The following BTN3A2 variants were observed in gnomAD, a reference collection of about 807,000 sequenced individuals.
The protein encoded by BTN3A2 is butyrophilin protein.
Under a neutral mutation model 37.6 loss-of-function variants are expected in BTN3A2, and 25 were observed. The ratio of observed to expected loss-of-function variants is 0.66; its 90% confidence interval spans 0.48 to 0.93. The LOEUF (loss-of-function observed/expected upper bound fraction) is 0.93. Among genes scored for constraint, BTN3A2 ranks in the 40% least tolerant of loss-of-function variants. The probability of loss-of-function intolerance (pLI) is 0.00; values close to 1 mark genes in which losing one functional copy is unlikely to be tolerated. For missense variants in BTN3A2, 266 were observed against 410.9 expected (o/e 0.65, Z 3.05); for synonymous variants, 122 against 159.4 (o/e 0.77, Z 1.77).
chr6:26,370,642 T>G (rs1405664671), intron 5 of BTN3A2, 39 bp downstream of exon 5: 3 of 1,609,906 alleles, frequency 1.9e-6, no homozygotes, highest in Non-Finnish European at 2.5e-6. Context: ...TGAGCTGAGC[T>G]GTGGCAGTTG....
In BTN3A2 at chr6:26,376,009, A is replaced by C. The variant is rs1760680555; in HGVS notation, c.*247A>C. 2.9e-6 allele frequency: 2 copies of C among 688,786 alleles called. No individual in the cohort carries two copies. The highest frequency in any genetic ancestry group is 4.7e-6 in the Non-Finnish European group (2 of 425,018). 42.7% of individuals were successfully genotyped at this position (688,786 alleles called of 1,614,324 possible). A position where few individuals can be genotyped will look rare whatever the true frequency, so the allele number is the denominator to read the frequency against. ...ATCACAAGGTCAGGAGATCAAGACCATCCTGGCTAACACGGTGAAACCCCG... is the reference window on the plus strand; with the variant it reads ...ATCACAAGGTCAGGAGATCAAGACCCTCCTGGCTAACACGGTGAAACCCCG... On this transcript the variant is annotated 3_prime_UTR_variant, in exon 11 of 11. Transcript: ENST00000377708.
At chr6:26,365,483 T>TGTGC in intron 1 of BTN3A2, 131 bp downstream of exon 1, 2 of 574,540 alleles carry the variant, frequency 3.5e-6, no homozygotes, top group Non-Finnish European at 2.9e-6. Flanking sequence ...CCTGTGTGTG[T>TGTGC]GTGTGTGTGT....
At position 26,376,713 on chromosome 6, in the gene BTN3A2, T is replaced by C. The variant is rs1760736324; in HGVS notation, c.*951T>C. On this transcript the variant is annotated 3_prime_UTR_variant, in exon 11 of 11. Transcript: ENST00000377708. ...TGAATGGCGTTACTGTGTGCTTGGC[T>C]GTGAAAGCTTCATGTCAGAGAGACA... 6.4e-7 allele frequency: 1 copy of C among 1,573,874 alleles called. No homozygotes were observed. Among genetic ancestry groups the C allele is most frequent in the Non-Finnish European group, 8.7e-7 (1 of 1,144,250 alleles).
intron 5 of BTN3A2, among the ~76,000 whole-genome samples, chr6:26,371,677 G>A: frequency 6.6e-6 from 1 of 151,660 alleles, no homozygotes; most frequent in East Asian, 1.9e-4. Context: ...TTTTCGTTGT[G>A]TGTGTGTCTT....
intron 5 of BTN3A2, among the ~76,000 whole-genome samples, chr6:26,370,967 C>T (rs72841516): frequency 0.038 from 5,773 of 152,104 alleles, 159 homozygotes; most frequent in South Asian, 0.13. Context: ...ATTCTAAAAA[C>T]CTAGTAAAAA....
Position 26,370,484 on chromosome 6 carries a change from TG to T in BTN3A2, c.599del (p.Gly200AlafsTer5). 6.2e-7 allele frequency: 1 copy of T among 1,613,998 alleles called. No homozygotes were observed. The highest frequency in any genetic ancestry group is 8.5e-7 in the Non-Finnish European group (1 of 1,180,002). On this transcript the variant is annotated frameshift_variant, in exon 5 of 11. Transcript: ENST00000377708. LOFTEE classifies it high-confidence loss of function. ...GAAGCACCTGTGGTTGCAGATGGAG[TG>T]GGCCTATATGAAGTAGCAGCATCTG... ...AVEAPVVADGVGLYEVAASVI... is the reference protein window; with the variant it reads ...AVEAPVVADGXGLYEVAASVI...
Position 26,370,556 on chromosome 6 carries a change from G to A in BTN3A2, c.668G>A (p.Arg223Lys). Residue 223 changes from arginine (R) to lysine (K), a missense_variant, in exon 5 of 11, where the codon AGA becomes AAA. Around this residue, in one of 3 missense-constraint regions of BTN3A2, gnomAD observed 204 missense variants for 232.6 expected, o/e 0.88. Coordinates refer to ENST00000377708, the MANE Select transcript of BTN3A2 (RefSeq NM_007047.5). Reference sequence around the variant, plus strand: ...GGGGAGGGTGTATCCTGCATCATCAGAAATTCCCTCCTCGGCCTGGAAAAG... The same window carrying A: ...GGGGAGGGTGTATCCTGCATCATCAAAAATTCCCTCCTCGGCCTGGAAAAG... Reference protein sequence around the residue: ...GSGEGVSCIIRNSLLGLEKTA... With the variant: ...GSGEGVSCIIKNSLLGLEKTA... 4 of 1,614,198 alleles carry A rather than the reference G, an allele frequency of 2.5e-6. No individual in the cohort carries two copies. Among genetic ancestry groups the A allele is most frequent in the Non-Finnish European group, 3.4e-6 (4 of 1,180,030 alleles).
At chr6:26,367,417 G>A (rs991025343) in intron 1 of BTN3A2, among the ~76,000 whole-genome samples, 2 of 152,168 alleles carry the variant, frequency 1.3e-5, no homozygotes, top group African/African-American at 2.4e-5. Flanking sequence ...TCTCATACTC[G>A]ATATTTTTGA....
At chr6:26,374,265 G>C in intron 8 of BTN3A2, 62 bp from the exon 9 acceptor site, 1 of 1,132,592 alleles carries the variant, frequency 8.8e-7, no homozygotes. Context: ...AAAAAGAAGG[G>C]GAAGGGGCCA....
intron 5 of BTN3A2, among the ~76,000 whole-genome samples, chr6:26,372,446 C>T (rs1432330677): frequency 6.6e-6 from 1 of 152,148 alleles, no homozygotes; most frequent in Non-Finnish European, 1.5e-5. Context: ...CTGCTAGTCA[C>T]ATGGGGGAGC....
At chr6:26,367,943 G>T in intron 1 of BTN3A2, 47 bp from the exon 2 acceptor site, 1 of 906,888 alleles carries the variant, frequency 1.1e-6, no homozygotes, top group Non-Finnish European at 1.6e-6. Flanking sequence ...TTTTAATGCA[G>T]TAGAGTCAGA....
intron 5 of BTN3A2, among the ~76,000 whole-genome samples, chr6:26,372,165 G>A (rs567093342): frequency 5.8e-4 from 89 of 152,344 alleles, no homozygotes; most frequent in Non-Finnish European, 1.0e-3. Flanking sequence ...GCAAGATGCA[G>A]AGGGACGTGT....
chr6:26,374,873 A>G, intron 10 of BTN3A2, 75 bp downstream of exon 10: 8 of 1,423,238 alleles, frequency 5.6e-6, no homozygotes, highest in Non-Finnish European at 6.7e-6. Flanking sequence ...TTCTTCTCCA[A>G]CTCTTGTGAT....
chr6:26,366,726 G>T (rs893862608), intron 1 of BTN3A2, among the ~76,000 whole-genome samples: 168 of 152,262 alleles, frequency 1.1e-3, no homozygotes, highest in African/African-American at 3.9e-3. Context: ...CTGTTCCCTT[G>T]CTTCCTCTAC....
At chr6:26,375,382 T>C in intron 10 of BTN3A2, 1 of 403,450 alleles carries the variant, frequency 2.5e-6, no homozygotes, top group Non-Finnish European at 4.6e-6. Context: ...GAGAAAGAGG[T>C]AGCTTAACGA....
Position 26,376,738 on chromosome 6 carries a change from A to G in BTN3A2, c.*976A>G. On this transcript the variant is annotated 3_prime_UTR_variant, in exon 11 of 11. Coordinates refer to ENST00000377708, the MANE Select transcript of BTN3A2 (RefSeq NM_007047.5). The stretch of plus-strand genomic sequence containing the variant: ...TGTGAAAGCTTCATGTCAGAGAGAC[A>G]CTACTGGGAGGTGGAAGTGGGGGAC... The G allele has an allele frequency of 1.4e-5, 23 of 1,594,304 alleles. No individual in the cohort carries two copies. The South Asian group carries it at 2.5e-4, about 18-fold the overall frequency.
At chr6:26,369,603 G>C (rs973598673) in intron 4 of BTN3A2, among the ~76,000 whole-genome samples, 1 of 152,292 alleles carries the variant, frequency 6.6e-6, no homozygotes, top group South Asian at 2.1e-4. Context: ...AAGGAGACCA[G>C]GGTGAGACAA....
At chr6:26,369,398 C>T (rs1216569640) in intron 4 of BTN3A2, among the ~76,000 whole-genome samples, 1 of 152,176 alleles carries the variant, frequency 6.6e-6, no homozygotes, top group East Asian at 1.9e-4. Context: ...AGGAAGAACA[C>T]ACATCATGGG....
At chr6:26,374,910 C>T in intron 10 of BTN3A2, 112 bp downstream of exon 10, 1 of 1,170,982 alleles carries the variant, frequency 8.5e-7, no homozygotes, top group Non-Finnish European at 1.2e-6. Flanking sequence ...CCCTTGACTT[C>T]CTTCGTGGGT....
Sources: gnomAD v4.1 joint callset for allele counts (sites outside exome capture counted in the v4.1 genomes callset) on GRCh38, gnomAD v4.1.1 for gene constraint, gnomAD v4.1.1 regional missense constraint, MANE v1.5 for transcripts, NCBI Gene and HGNC (gene_info 2026-07-23, HGNC 2026-07-21) for gene names.